Variants in CFAP92 observed in about 807,000 individuals in gnomAD.
The protein encoded by CFAP92 is cilia and flagella associated protein 92 (putative), also known as uncharacterized protein CFAP92.
In CFAP92, 86 loss-of-function variants were observed where a neutral mutation model predicts 106.3. The ratio of observed to expected loss-of-function variants is 0.81; its 90% CI spans 0.68 to 0.97. CFAP92 has a LOEUF of 0.97. Ranked by LOEUF, CFAP92 falls within the 50% of genes least tolerant of loss-of-function variation. The probability of loss-of-function intolerance (pLI) is 0.00; values close to 1 mark genes in which losing one functional copy is unlikely to be tolerated. For missense variants in CFAP92, 1,204 were observed against 1,283.8 expected (o/e 0.94, Z 0.95); for synonymous variants, 477 against 506.4 (o/e 0.94, Z 0.78).
intron 9 of CFAP92, among the ~76,000 whole-genome samples, chr3:128,962,841 G>A (rs1220010994): frequency 1.3e-5 from 2 of 152,164 alleles, no homozygotes; most frequent in African/African-American, 2.4e-5. Context: ...TTCAGAATCT[G>A]CGCCTTATCA....
intron 10 of CFAP92, among the ~76,000 whole-genome samples, chr3:128,937,829 G>A (rs1309230288): frequency 6.6e-6 from 1 of 152,092 alleles, no homozygotes; most frequent in Non-Finnish European, 1.5e-5. Flanking sequence ...GGGAGGCTGA[G>A]AGGCAGGTGG....
At chr3:128,984,446 G>A (rs918461880) in intron 4 of CFAP92, among the ~76,000 whole-genome samples, 2 of 152,176 alleles carry the variant, frequency 1.3e-5, no homozygotes, top group African/African-American at 4.8e-5. Context: ...TTTCTCCCAT[G>A]CTGGAGGCTT....
chr3:129,012,870 C>T, the CFAP92 span, among the ~76,000 whole-genome samples: 1 of 152,202 alleles, frequency 6.6e-6, no homozygotes, highest in Non-Finnish European at 1.5e-5. Context: ...GGTGGAAGAG[C>T]GGGCATTGGG....
chr3:129,024,540 GAAAAAA>G, the CFAP92 span, among the ~76,000 whole-genome samples: 1 of 136,378 alleles, frequency 7.3e-6, no homozygotes, highest in Non-Finnish European at 1.6e-5. Flanking sequence ...CAAAAAAAAA[GAAAAAA>G]AAAAAGAAAA....
chr3:128,976,018 G>A (rs888208169), intron 6 of CFAP92, 115 bp from the exon 7 acceptor site: 4 of 1,001,352 alleles, frequency 4.0e-6, no homozygotes, highest in South Asian at 1.8e-5. Context: ...ACCTCATAGT[G>A]CATTCCTCTA....
At position 129,001,984 on chromosome 3, in the gene CFAP92, C is replaced by T. The variant is rs1358155320; in HGVS notation, n.117+590G>A. The T allele has an allele frequency of 7.1e-6, 11 of 1,545,272 alleles. No homozygotes were observed. The highest frequency in any genetic ancestry group is 2.0e-5 in the Admixed American group (1 of 50,670). ...GGGGATGCGGCCGCTGAGTTGGCCA[C>T]GGACGGGGACTCAGATACCGATGAA... On this transcript the variant is annotated intron_variant and non_coding_transcript_variant, in intron 1 of 4. Transcript: ENST00000510149.
chr3:128,989,064 G>T, intron 2 of CFAP92, 146 bp from the exon 3 acceptor site: 1 of 667,336 alleles, frequency 1.5e-6, no homozygotes, highest in Non-Finnish European at 2.5e-6. Flanking sequence ...CAGGTCCAGT[G>T]CTCCTAGCCA....
At chr3:129,020,473 C>CA in the CFAP92 span, among the ~76,000 whole-genome samples, 1 of 152,032 alleles carries the variant, frequency 6.6e-6, no homozygotes, top group African/African-American at 2.4e-5. Context: ...TCCATCTCTA[C>CA]AAAAAATACA....
At chr3:128,929,753 T>C (rs1448854710) in intron 12 of CFAP92, among the ~76,000 whole-genome samples, 1 of 152,198 alleles carries the variant, frequency 6.6e-6, no homozygotes, top group Non-Finnish European at 1.5e-5. Flanking sequence ...GATCAGTGGT[T>C]ATGTGGGACT....
upstream of CFAP92, among the ~76,000 whole-genome samples, chr3:129,005,605 C>T (rs1267715613): frequency 6.6e-6 from 1 of 152,254 alleles, no homozygotes; most frequent in East Asian, 1.9e-4. Context: ...GAGCAGGAGA[C>T]AGTGCAGAGC....
chr3:129,005,909 A>C (rs1435679900), upstream of CFAP92, among the ~76,000 whole-genome samples: 1 of 152,256 alleles, frequency 6.6e-6, no homozygotes, highest in Admixed American at 6.5e-5. Context: ...ATCCAAGAGG[A>C]GAAATAAAGG....
rs532166174 is a variant in CFAP92 at position 128,979,862 on chromosome 3, G to A, written c.668-1677C>T. Among the ~76,000 whole-genome samples the A allele has an allele frequency of 2.1e-4, 32 of 151,254 alleles. No individual in the cohort carries two copies. The South Asian group carries it at 6.5e-3, about 31-fold the overall frequency. Reference sequence around the variant, plus strand: ...ACCTAATGTAAATGACGAGTTAATGGGGGTAGCACACCAACATGGCACATG... The same window carrying A: ...ACCTAATGTAAATGACGAGTTAATGAGGGTAGCACACCAACATGGCACATG... On this transcript the variant is annotated intron_variant, in intron 4 of 15. Transcript: ENST00000645291.
the CFAP92 span, among the ~76,000 whole-genome samples, chr3:129,024,382 T>C: frequency 6.6e-6 from 1 of 151,674 alleles, no homozygotes; most frequent in African/African-American, 2.4e-5. Flanking sequence ...AAATACAAAA[T>C]TAGCCAGGCA....
chr3:128,987,673 A>G lies in CFAP92; in HGVS notation c.610T>C (p.Tyr204His). 6.2e-7 allele frequency: 1 copy of G among 1,613,988 alleles called. No homozygotes were observed. The highest frequency in any genetic ancestry group is 8.5e-7 in the Non-Finnish European group (1 of 1,179,886). Residue 204 changes from tyrosine (Y) to histidine (H), a missense_variant, in exon 4 of 16, where the codon TAT (tyrosine) becomes CAT (histidine). Tyr to His is a moderately conservative substitution (Grantham distance 83). Coordinates refer to ENST00000645291, the MANE Select transcript of CFAP92 (RefSeq NM_001394090.1). ...TKDKMSRKVR[Y>H]YRLKTAGFTD... ...AAGCCGGCAGTCTTTAATCGGTAAT[A>G]TCTGACTTTTCTTGACATCTTGTCT... is the stretch of plus-strand genomic sequence containing the variant.
the CFAP92 span, among the ~76,000 whole-genome samples, chr3:129,021,885 T>C: frequency 6.6e-6 from 1 of 151,760 alleles, no homozygotes; most frequent in Admixed American, 6.6e-5. Context: ...ATCACATTAA[T>C]TTTTTTTTGA....
chr3:128,973,444 G>C (rs1942945288), intron 7 of CFAP92, among the ~76,000 whole-genome samples: 1 of 152,014 alleles, frequency 6.6e-6, no homozygotes, highest in Non-Finnish European at 1.5e-5. Flanking sequence ...ATCACCTGAG[G>C]TCGGGAGTTC....
At chr3:128,928,117 G>T (rs1047261411) in intron 12 of CFAP92, among the ~76,000 whole-genome samples, 1 of 152,134 alleles carries the variant, frequency 6.6e-6, no homozygotes, top group Non-Finnish European at 1.5e-5. Flanking sequence ...GCCGGGAGTG[G>T]TGGCGGGTAT....
At chr3:128,998,482 C>T (rs1175909999), upstream of CFAP92, among the ~76,000 whole-genome samples, 1 of 152,038 alleles carries the variant, frequency 6.6e-6, no homozygotes, top group Non-Finnish European at 1.5e-5. Context: ...AAATAATGGC[C>T]CAAGGACATT....
chr3:128,963,693 A>G (rs568485684), intron 9 of CFAP92, among the ~76,000 whole-genome samples: 16 of 149,850 alleles, frequency 1.1e-4, no homozygotes, highest in Non-Finnish European at 2.1e-4. Context: ...ACCAGGCCTA[A>G]TCGCCACACA....
Sources: allele counts gnomAD v4.1 joint callset (sites outside exome capture counted in the v4.1 genomes callset), GRCh38; gene constraint gnomAD v4.1.1; transcripts MANE v1.5; gene names NCBI Gene and HGNC (gene_info 2026-07-23, HGNC 2026-07-21).